The following CEP164 variants were observed in gnomAD, a reference collection of about 807,000 sequenced individuals.
CEP164 encodes the protein centrosomal protein of 164 kDa.
Under a neutral mutation model 182.7 loss-of-function variants are expected in CEP164, and 162 were observed. The observed-to-expected ratio is 0.89, with a 90% confidence interval of 0.78 to 1.01. The LOEUF (loss-of-function observed/expected upper bound fraction) is 1.01. CEP164 is among the 50% of genes least tolerant of loss of function. CEP164 has a pLI of 0.00. For missense variants in CEP164, 1,735 were observed against 1,790.4 expected, an observed-to-expected ratio of 0.97 and a Z score of 0.56; for synonymous variants, 661 against 690.0, an observed-to-expected ratio of 0.96 and a Z score of 0.66.
intron 18 of CEP164, 24 bp from the exon 19 acceptor site, chr11:117,392,472 C>T: frequency 6.2e-7 from 1 of 1,608,404 alleles, no homozygotes; most frequent in Middle Eastern, 1.7e-4. Flanking sequence ...TCACACTCCC[C>T]TGTGTGTGCG....
At chr11:117,353,731 G>A (rs2039951264) in intron 5 of CEP164, among the ~76,000 whole-genome samples, 1 of 152,216 alleles carries the variant, frequency 6.6e-6, no homozygotes, top group Non-Finnish European at 1.5e-5. Flanking sequence ...CAGCCTGGAT[G>A]CAAGTGGTTT....
rs117816105 is a variant in CEP164, at chr11:117,342,754, G to A, written c.83-1412G>A. ...GCCTCCCAAAGTGCTGGGATTACAG[G>A]CATGAACCACCATGCCTGGCTGAGA... On this transcript the variant is annotated intron_variant, in intron 3 of 32. Coordinates refer to ENST00000278935, the MANE Select transcript of CEP164 (RefSeq NM_014956.5). Among the ~76,000 whole-genome samples the A allele has an allele frequency of 2.1e-3, 323 of 152,274 alleles. 1 individual carries two copies. In the East Asian group the frequency reaches 0.032, roughly 15 times the overall value.
At chr11:117,342,154 G>A (rs942687267) in intron 3 of CEP164, among the ~76,000 whole-genome samples, 1 of 152,080 alleles carries the variant, frequency 6.6e-6, no homozygotes, top group Non-Finnish European at 1.5e-5. Context: ...CTCCATAATG[G>A]CAGTGACTAG....
At chr11:117,404,581 G>A (rs1052066927) in intron 27 of CEP164, among the ~76,000 whole-genome samples, 1 of 152,218 alleles carries the variant, frequency 6.6e-6, no homozygotes, top group African/African-American at 2.4e-5. Context: ...TGTATGAGGT[G>A]TCTGTCGACC....
At position 117,333,288 on chromosome 11, in the gene CEP164, A is replaced by C. The variant is rs1191194271; in HGVS notation, c.-97-2317A>C. 2.6e-5 allele frequency among the ~76,000 whole-genome samples: 4 copies of C among 152,248 alleles called. No individual in the cohort carries two copies. The East Asian group carries it at 7.8e-4, about 30-fold the overall frequency. On this transcript the variant is annotated intron_variant, in intron 1 of 32. Transcript: ENST00000278935. ...TAGCCTCCCAAAGCCCTGTTATTAC[A>C]GGTGTGAGCCACAGTGCTTGGCCCA...
At chr11:117,372,803 G>A (rs1258090810) in intron 9 of CEP164, among the ~76,000 whole-genome samples, 2 of 152,204 alleles carry the variant, frequency 1.3e-5, no homozygotes, top group Non-Finnish European at 2.9e-5. Context: ...TGTGTGTCGT[G>A]ACGAGATGGG....
intron 27 of CEP164, among the ~76,000 whole-genome samples, chr11:117,400,530 A>G (rs555182756): frequency 7.2e-5 from 11 of 152,230 alleles, no homozygotes; most frequent in East Asian, 1.9e-4. Flanking sequence ...AAGAAAGTCA[A>G]TGGTAGCTTG....
intron 8 of CEP164, among the ~76,000 whole-genome samples, chr11:117,370,826 G>A (rs2042128027): frequency 1.3e-5 from 2 of 152,034 alleles, no homozygotes; most frequent in Admixed American, 6.5e-5. Context: ...GACGAGAATC[G>A]CTTGAACCCA....
intron 24 of CEP164, 93 bp from the exon 25 acceptor site, chr11:117,395,961 G>C: frequency 6.5e-7 from 1 of 1,542,834 alleles, no homozygotes; most frequent in Admixed American, 1.8e-5. Context: ...TTGACGGATG[G>C]GAGTGAGGGG....
intron 5 of CEP164, among the ~76,000 whole-genome samples, chr11:117,361,390 G>A (rs187069544): frequency 2.7e-5 from 4 of 148,468 alleles, no homozygotes; most frequent in Non-Finnish European, 4.5e-5. Context: ...ATAGGCACCC[G>A]CCACCACGCC....
chr11:117,370,946 T>G (rs1242695536), intron 8 of CEP164, 134 bp from the exon 9 acceptor site: 3 of 874,554 alleles, frequency 3.4e-6, no homozygotes, highest in Non-Finnish European at 5.1e-6. Flanking sequence ...ACTGGGTGAT[T>G]GATAACCATT....
At chr11:117,352,580 T>A (rs2039784722) in intron 5 of CEP164, among the ~76,000 whole-genome samples, 1 of 152,210 alleles carries the variant, frequency 6.6e-6, no homozygotes, top group African/African-American at 2.4e-5. Flanking sequence ...AACTGCAATG[T>A]GATTTCCTTG....
intron 15 of CEP164, among the ~76,000 whole-genome samples, chr11:117,388,245 C>G (rs551233729): frequency 6.6e-6 from 1 of 152,170 alleles, no homozygotes; most frequent in Non-Finnish European, 1.5e-5. Flanking sequence ...ATCTCTCTCC[C>G]GAGGCCCCTG....
chr11:117,360,883 C>T (rs898739766), intron 5 of CEP164, among the ~76,000 whole-genome samples: 1 of 150,922 alleles, frequency 6.6e-6, no homozygotes, highest in Admixed American at 6.6e-5. Context: ...GAGAATTCTT[C>T]TGGTAGATGA....
chr11:117,359,518 T>C, intron 5 of CEP164: 1 of 985,430 alleles, frequency 1.0e-6, no homozygotes. Flanking sequence ...TGGGCCCTGC[T>C]GGGAACCCAC....
intron 5 of CEP164, chr11:117,359,399 C>T (rs1369169528): frequency 7.1e-6 from 7 of 985,216 alleles, no homozygotes; most frequent in African/African-American, 1.7e-5. Flanking sequence ...ATTATCAGCT[C>T]GTTTTCTCCT....
At chr11:117,399,441 CAT>C (rs1472847813) in intron 27 of CEP164, among the ~76,000 whole-genome samples, 3 of 152,318 alleles carry the variant, frequency 2.0e-5, no homozygotes, top group South Asian at 4.1e-4. Flanking sequence ...CTGCAATAAA[CAT>C]ATGTGTGCAT....
At position 117,393,380 on chromosome 11, in the gene CEP164, G is replaced by A. The variant is rs1415489094; in HGVS notation, c.2616+254G>A. Reference sequence around the variant, plus strand: ...TGAGAAAAACCTCCACCTAATGGGGGGCAATTCCTCTTTTATCAGGCAGGC... The same window carrying A: ...TGAGAAAAACCTCCACCTAATGGGGAGCAATTCCTCTTTTATCAGGCAGGC... On this transcript the variant is annotated intron_variant, in intron 20 of 32. Transcript: ENST00000278935. Among the ~76,000 whole-genome samples, 4 of 152,120 alleles carry A rather than the reference G, an allele frequency of 2.6e-5. No homozygotes were observed. In the East Asian group the frequency reaches 7.7e-4, roughly 29 times the overall value.
chr11:117,324,304 C>T (rs537097979), upstream of CEP164, among the ~76,000 whole-genome samples: 5 of 151,818 alleles, frequency 3.3e-5, no homozygotes, highest in South Asian at 2.1e-4. Context: ...AAACATAGCC[C>T]GGTGTGGTGG....
Sources: gnomAD v4.1 joint callset for allele counts (sites outside exome capture counted in the v4.1 genomes callset) on GRCh38, gnomAD v4.1.1 for gene constraint, MANE v1.5 for transcripts, NCBI Gene and HGNC (gene_info 2026-07-23, HGNC 2026-07-21) for gene names.